The following NDEL1 variants were observed in gnomAD, a reference collection of about 807,000 sequenced individuals.
The protein encoded by NDEL1 is nuclear distribution protein nudE-like 1.
A neutral mutation model predicts 45.7 loss-of-function variants in NDEL1; 9 were observed. The ratio of observed to expected loss-of-function variants is 0.20; its 90% CI spans 0.12 to 0.34. NDEL1 has a LOEUF of 0.34. NDEL1 is among the 10% of genes least tolerant of loss of function. The pLI, the probability that NDEL1 is intolerant of heterozygous loss-of-function variation, is 1.00. For synonymous variants in NDEL1, 133 were observed against 158.6 expected (o/e 0.84, Z 1.21); for missense variants, 306 against 406.2 (o/e 0.75, Z 2.12).
At chr17:8,428,864 G>A (rs542579025) in intron 1 of NDEL1, among the ~76,000 whole-genome samples, 315 of 151,188 alleles carry the variant, frequency 2.1e-3, no homozygotes, top group Non-Finnish European at 2.1e-3. Flanking sequence ...TAGTAGAGAC[G>A]GGGTTTCACC....
chr17:8,462,910 G>A (rs1448036923), intron 8 of NDEL1: 2 of 164,488 alleles, frequency 1.2e-5, no homozygotes, highest in South Asian at 1.6e-4. Flanking sequence ...TACCTTAACT[G>A]GGCGTATTGC....
intron 1 of NDEL1, among the ~76,000 whole-genome samples, chr17:8,438,626 CCACCACAGTCT>C (rs1380985194): frequency 1.3e-5 from 2 of 151,772 alleles, no homozygotes; most frequent in African/African-American, 4.8e-5. Flanking sequence ...AGCGATCCTC[CCACCACAGTCT>C]CACGAGTAGC....
At chr17:8,434,717 A>G (rs540912054), upstream of NDEL1, among the ~76,000 whole-genome samples, 6 of 152,170 alleles carry the variant, frequency 3.9e-5, no homozygotes, top group South Asian at 1.2e-3. Context: ...TAGGGAATAC[A>G]CACGCGCGCA....
Position 8,435,887 on chromosome 17 carries a change from C to A in NDEL1, c.-171C>A, listed in dbSNP as rs1270431533. ...GAATGGCCTCGGACACCCAGGCAGT[C>A]CCTGACGTGTCGGGGAGGAGCCGGG... is the stretch of plus-strand genomic sequence containing the variant. On this transcript the variant is annotated 5_prime_UTR_variant, in exon 1 of 9. Transcript: ENST00000334527. The A allele has an allele frequency of 2.0e-5, 9 of 447,534 alleles. No individual in the cohort carries two copies. The highest frequency in any genetic ancestry group is 3.1e-5 in the Non-Finnish European group (7 of 223,508). 27.7% of individuals were successfully genotyped at this position (447,534 alleles called of 1,614,324 possible). A position where few individuals can be genotyped will look rare whatever the true frequency, so the allele number is the denominator to read the frequency against.
At chr17:8,461,368 C>T (rs1911192112) in intron 8 of NDEL1, 2 of 152,320 alleles carry the variant, frequency 1.3e-5, no homozygotes, top group South Asian at 4.1e-4. Context: ...CCTAAAACAT[C>T]ACTATACAAA....
At position 8,473,177 on chromosome 17, in the gene NDEL1, G is replaced by A. The variant is rs1457304740; in HGVS notation, c.417+13017G>A. Among the ~76,000 whole-genome samples, 3 of 152,136 alleles carry A rather than the reference G, an allele frequency of 2.0e-5. No homozygotes were observed. The East Asian group carries it at 5.8e-4, about 29-fold the overall frequency. ...ACGTGAACACCAGTTAGATCAGCCA[G>A]TAGGGAAGAATTCTTTTTTTTTTTG... is the stretch of plus-strand genomic sequence containing the variant. On this transcript the variant is annotated intron_variant, in intron 3 of 3. Transcript: ENST00000581679.
At chr17:8,472,357 C>G (rs1911860892), downstream of NDEL1, among the ~76,000 whole-genome samples, 1 of 152,106 alleles carries the variant, frequency 6.6e-6, no homozygotes, top group African/African-American at 2.4e-5. Flanking sequence ...AGCCAGCAGG[C>G]TAGAAATAGG....
Position 8,465,336 on chromosome 17 carries a change from A to G in NDEL1, c.945-1594A>G, listed in dbSNP as rs997002057. ...GCAAATGTGTTGAAGCTCAAAAATC[A>G]GACCTAACCCAGTGAGGAAAGAGAC... On this transcript the variant is annotated intron_variant, in intron 8 of 8. Transcript: ENST00000334527. The surrounding 1 kb of genome is among the most constrained non-coding windows in gnomAD (Gnocchi z 4.9). The G allele has an allele frequency of 2.0e-5, 3 of 152,290 alleles. No homozygotes were observed. The highest frequency in any genetic ancestry group is 7.2e-5 in the African/African-American group (3 of 41,480). The allele number at this position is 152,290 out of a possible 1,614,324, so 9.4% of individuals were successfully genotyped here. A position where few individuals can be genotyped will look rare whatever the true frequency, so the allele number is the denominator to read the frequency against.
At chr17:8,456,066 A>G (rs977711422) in intron 7 of NDEL1, among the ~76,000 whole-genome samples, 20 of 152,182 alleles carry the variant, frequency 1.3e-4, no homozygotes, top group African/African-American at 4.6e-4. Flanking sequence ...CCCACTATCT[A>G]CTACCCCCTT....
At chr17:8,472,225 A>C (rs2151748380), downstream of NDEL1, among the ~76,000 whole-genome samples, 1 of 152,350 alleles carries the variant, frequency 6.6e-6, no homozygotes, top group Non-Finnish European at 1.5e-5. Flanking sequence ...TGGCTAGAAC[A>C]GCTTGGCCTT....
intron 1 of NDEL1, among the ~76,000 whole-genome samples, chr17:8,438,525 A>AT (rs903272899): frequency 6.6e-6 from 1 of 151,602 alleles, no homozygotes; most frequent in Non-Finnish European, 1.5e-5. Context: ...TTTTATTTTT[A>AT]TTTTTTTGGA....
At chr17:8,448,375 C>A (rs1390059671) in intron 4 of NDEL1, among the ~76,000 whole-genome samples, 175 bp from the exon 5 acceptor site, 2 of 152,150 alleles carry the variant, frequency 1.3e-5, no homozygotes, top group Non-Finnish European at 2.9e-5. Context: ...TATTGCCCAA[C>A]TGATAGAGAC....
upstream of NDEL1, among the ~76,000 whole-genome samples, chr17:8,432,327 A>ATAT (rs1909022333): frequency 8.8e-6 from 1 of 113,460 alleles, no homozygotes; most frequent in South Asian, 3.0e-4. Flanking sequence ...ATTTATATAT[A>ATAT]AATATATATA....
chr17:8,436,129 C>A, intron 1 of NDEL1, 84 bp downstream of exon 1: 1 of 273,164 alleles, frequency 3.7e-6, no homozygotes, highest in Non-Finnish European at 7.2e-6. Context: ...GCCTTCCCGG[C>A]CCGGGGCCGT....
chr17:8,424,826 G>A (rs578159047), intron 1 of NDEL1, among the ~76,000 whole-genome samples: 1 of 152,132 alleles, frequency 6.6e-6, no homozygotes, highest in Non-Finnish European at 1.5e-5. Context: ...TTAATATAAA[G>A]TTTTTATTCC....
At chr17:8,469,696 CT>C (rs1365917892), downstream of NDEL1, among the ~76,000 whole-genome samples, 2 of 119,298 alleles carry the variant, frequency 1.7e-5, no homozygotes, top group African/African-American at 6.3e-5. Flanking sequence ...TATATACCAA[CT>C]TTAGTGACTT....
rs1176480046 is a variant in NDEL1 at position 8,428,362 on chromosome 17, AT to A, written c.-13+15111del. Among the ~76,000 whole-genome samples the A allele has an allele frequency of 3.4e-3, 277 of 81,560 alleles. 3 individuals are homozygous for A. The highest frequency in any genetic ancestry group is 0.014 in the African/African-American group (261 of 18,104). 53.5% of individuals were successfully genotyped at this position (81,560 alleles called of 152,430 possible). A position where few individuals can be genotyped will look rare whatever the true frequency, so the allele number is the denominator to read the frequency against. On this transcript the variant is annotated intron_variant, in intron 1 of 4. Coordinates refer to the NDEL1 transcript ENST00000582812. ...TGTGTGTGTGTGTGTGTGTGTGTGT[AT>A]TTTTTTTTTTTTTTTTTCCGAGACA...
Position 8,463,262 on chromosome 17 carries a change from C to G in NDEL1, c.944+3102C>G. On this transcript the variant is annotated intron_variant, in intron 8 of 8. Transcript: ENST00000334527. ...AGGTGGGCATGGACTAATTTTAGGGCGTGATGTGGAAATAGTATTCGTATT... is the reference window on the plus strand; with the variant it reads ...AGGTGGGCATGGACTAATTTTAGGGGGTGATGTGGAAATAGTATTCGTATT... 5 of 1,432,928 alleles carry G rather than the reference C, an allele frequency of 3.5e-6. 1 individual carries two copies. In the South Asian group the frequency reaches 5.9e-5, roughly 17 times the overall value. The allele number at this position is 1,432,928 out of a possible 1,614,324, so 88.8% of individuals were successfully genotyped here. A position where few individuals can be genotyped will look rare whatever the true frequency, so the allele number is the denominator to read the frequency against.
chr17:8,458,697 AAGG>A (rs1255949716), intron 7 of NDEL1, among the ~76,000 whole-genome samples: 2 of 152,022 alleles, frequency 1.3e-5, no homozygotes, highest in African/African-American at 2.4e-5. Flanking sequence ...CATAGGAAAG[AAGG>A]AGAAGAAAAA....
Sources: gnomAD v4.1 joint callset for allele counts (sites outside exome capture counted in the v4.1 genomes callset) on GRCh38, gnomAD v4.1.1 for gene constraint, Gnocchi (gnomAD v3.1) non-coding constraint, MANE v1.5 for transcripts, NCBI Gene and HGNC (gene_info 2026-07-23, HGNC 2026-07-21) for gene names.